The following ARHGAP10 variants were observed in gnomAD, a reference collection of about 807,000 sequenced individuals.
The protein encoded by ARHGAP10 is rho GTPase-activating protein 10.
A neutral mutation model predicts 108.6 loss-of-function variants in ARHGAP10; 87 were observed. The ratio of observed to expected loss-of-function variants is 0.80; its 90% CI spans 0.67 to 0.96. ARHGAP10 has a LOEUF of 0.96. ARHGAP10 is among the 40% of genes least tolerant of loss of function. The pLI is 0.00. For missense variants in ARHGAP10, 939 were observed against 954.5 expected, an observed-to-expected ratio of 0.98 and a Z score of 0.21; for synonymous variants, 347 against 341.1, an observed-to-expected ratio of 1.02 and a Z score of -0.19.
intron 1 of ARHGAP10, among the ~76,000 whole-genome samples, chr4:147,760,529 C>G (rs1729549240): frequency 6.6e-6 from 1 of 152,108 alleles, no homozygotes. Context: ...CCATACTTTT[C>G]TAAGTGTGGG....
intron 4 of ARHGAP10, among the ~76,000 whole-genome samples, chr4:147,853,055 A>T (rs1310561256): frequency 6.6e-6 from 1 of 152,202 alleles, no homozygotes; most frequent in African/African-American, 2.4e-5. Flanking sequence ...AAACAAGATA[A>T]TCATTTACTC....
intron 18 of ARHGAP10, among the ~76,000 whole-genome samples, chr4:147,996,930 C>T (rs890938894): frequency 2.6e-5 from 4 of 152,180 alleles, no homozygotes; most frequent in Non-Finnish European, 4.4e-5. Context: ...CCTGCCAGCA[C>T]CATGGTCTTG....
intron 16 of ARHGAP10, among the ~76,000 whole-genome samples, chr4:147,956,363 G>T (rs1036973196): frequency 6.6e-6 from 1 of 152,112 alleles, no homozygotes; most frequent in Middle Eastern, 3.2e-3. Context: ...CAGTGTAAAG[G>T]TTCCTCCTGT....
At position 148,072,123 on chromosome 4, in the gene ARHGAP10, C is replaced by A. The variant is rs760923255; in HGVS notation, c.*42C>A. On this transcript the variant is annotated 3_prime_UTR_variant, in exon 23 of 23. Transcript: ENST00000336498. ...CCCTGCTGACCCTGGCACCCAGGGACCTGCCTGGGGGCAGAGAGCTGTCTT... is the reference window on the plus strand; with the variant it reads ...CCCTGCTGACCCTGGCACCCAGGGAACTGCCTGGGGGCAGAGAGCTGTCTT... The A allele has an allele frequency of 1.3e-6, 2 of 1,563,006 alleles. No homozygotes were observed. The highest frequency in any genetic ancestry group is 1.1e-5 in the South Asian group (1 of 87,232).
chr4:147,763,757 T>TA (rs1729683592), intron 1 of ARHGAP10, among the ~76,000 whole-genome samples: 1 of 147,024 alleles, frequency 6.8e-6, no homozygotes, highest in Non-Finnish European at 1.5e-5. Flanking sequence ...TTTTTTTTTT[T>TA]TTTTTTTTTT....
At chr4:147,842,516 C>G (rs890871586) in intron 3 of ARHGAP10, among the ~76,000 whole-genome samples, 2 of 152,120 alleles carry the variant, frequency 1.3e-5, no homozygotes, top group Non-Finnish European at 2.9e-5. Context: ...GGAGACCATC[C>G]GATATCTCTA....
At chr4:148,068,340 TAA>T (rs1729995242) in intron 22 of ARHGAP10, among the ~76,000 whole-genome samples, 1 of 152,148 alleles carries the variant, frequency 6.6e-6, no homozygotes. Flanking sequence ...AATTAATCCT[TAA>T]AAGCCTCTGG....
At chr4:147,826,470 A>G (rs1732711058) in intron 3 of ARHGAP10, among the ~76,000 whole-genome samples, 1 of 152,194 alleles carries the variant, frequency 6.6e-6, no homozygotes, top group African/African-American at 2.4e-5. Flanking sequence ...CATTGTGGGA[A>G]CAGAAACACC....
chr4:147,937,975 A>G (rs1578711214), intron 13 of ARHGAP10, among the ~76,000 whole-genome samples: 1 of 152,210 alleles, frequency 6.6e-6, no homozygotes, highest in South Asian at 2.1e-4. Context: ...GTGAAACTCC[A>G]TCTCCAAAAG....
At chr4:147,958,305 G>C (rs1738864454) in intron 16 of ARHGAP10, among the ~76,000 whole-genome samples, 1 of 152,216 alleles carries the variant, frequency 6.6e-6, no homozygotes, top group African/African-American at 2.4e-5. Context: ...AAGGCTGAAT[G>C]CCTGTTGTAT....
intron 18 of ARHGAP10, among the ~76,000 whole-genome samples, chr4:148,015,960 A>G (rs1481277448): frequency 1.3e-5 from 2 of 152,206 alleles, no homozygotes; most frequent in African/African-American, 4.8e-5. Context: ...CACAGAGGAC[A>G]CACTGTGAAT....
At chr4:147,864,806 A>G (rs1734482619) in intron 5 of ARHGAP10, 40 bp from the exon 6 acceptor site, 1 of 1,577,358 alleles carries the variant, frequency 6.3e-7, no homozygotes, top group African/African-American at 1.4e-5. Flanking sequence ...TTCACTTTTC[A>G]CCATCTCCAG....
At chr4:148,043,528 G>A (rs1316052646) in intron 19 of ARHGAP10, among the ~76,000 whole-genome samples, 7 of 145,500 alleles carry the variant, frequency 4.8e-5, no homozygotes, top group East Asian at 2.0e-4. Flanking sequence ...CTTGTAATCC[G>A]AACACTTTGA....
At chr4:147,953,222 CTTCTCATAATGCCT>C (rs2126981054) in intron 15 of ARHGAP10, among the ~76,000 whole-genome samples, 2 of 152,072 alleles carry the variant, frequency 1.3e-5, no homozygotes, top group African/African-American at 4.8e-5. Context: ...GGTCTGTAGT[CTTCTCATAATGCCT>C]TTCTCATAAT....
In ARHGAP10 at chr4:147,783,205, AAC is replaced by A. The variant is rs978577312; in HGVS notation, c.155-39518_155-39517del. Among the ~76,000 whole-genome samples, 6 of 144,598 alleles carry A rather than the reference AAC, an allele frequency of 4.1e-5. No homozygotes were observed. In the East Asian group the frequency reaches 8.2e-4, roughly 20 times the overall value. The allele number at this position is 144,598 out of a possible 152,430, so 94.9% of individuals were successfully genotyped here. Reference sequence around the variant, plus strand: ...AAATTATATATTGTATAATTTATATAACACATTAAATTATGTATTGTATAATT... The same window carrying A: ...AAATTATATATTGTATAATTTATATAACATTAAATTATGTATTGTATAATT... On this transcript the variant is annotated intron_variant, in intron 1 of 22. Transcript: ENST00000336498.
In ARHGAP10 at chr4:147,866,826, T is replaced by A. The variant is rs375524610; in HGVS notation, c.702+10T>A. 1.3e-6 allele frequency: 2 copies of A among 1,563,952 alleles called. No homozygotes were observed. Among genetic ancestry groups the A allele is most frequent in the Non-Finnish European group, 1.8e-6 (2 of 1,141,400 alleles). On this transcript the variant is annotated intron_variant, in intron 7 of 22. Coordinates refer to ENST00000336498, the MANE Select transcript of ARHGAP10 (RefSeq NM_024605.4). ...GATCAACATTCAGAATGTAAGGAAGTGAAAGCTTTCTTTATAAAAAGATGT... is the reference window on the plus strand; with the variant it reads ...GATCAACATTCAGAATGTAAGGAAGAGAAAGCTTTCTTTATAAAAAGATGT...
intron 10 of ARHGAP10, among the ~76,000 whole-genome samples, chr4:147,896,047 C>A (rs1032015990): frequency 6.6e-6 from 1 of 152,198 alleles, no homozygotes; most frequent in African/African-American, 2.4e-5. Flanking sequence ...GTTAACCTCA[C>A]ATTTCTGAGA....
chr4:147,965,545 G>A (rs976920631), intron 17 of ARHGAP10, among the ~76,000 whole-genome samples: 3 of 152,058 alleles, frequency 2.0e-5, no homozygotes, highest in Non-Finnish European at 4.4e-5. Flanking sequence ...TTTAAAAACC[G>A]GCAAAATCAA....
At chr4:147,973,242 C>G (rs1313898060) in intron 18 of ARHGAP10, among the ~76,000 whole-genome samples, 1 of 152,092 alleles carries the variant, frequency 6.6e-6, no homozygotes, top group Non-Finnish European at 1.5e-5. Context: ...ACCACTAGTG[C>G]CTGAGTTTTA....
Sources: gnomAD v4.1 joint callset for allele counts (sites outside exome capture counted in the v4.1 genomes callset) on GRCh38, gnomAD v4.1.1 for gene constraint, MANE v1.5 for transcripts, NCBI Gene and HGNC (gene_info 2026-07-23, HGNC 2026-07-21) for gene names.